Variants in TBX3 observed in about 807,000 individuals in gnomAD.
TBX3 encodes the protein T-box transcription factor 3, also known as T-box transcription factor TBX3.
Under a neutral mutation model 47.8 loss-of-function variants are expected in TBX3, and 11 were observed. The observed-to-expected ratio is 0.23, with a 90% CI of 0.14 to 0.38. The LOEUF is 0.38. Among genes scored for constraint, TBX3 ranks in the 10% least tolerant of loss-of-function variants. TBX3 has a pLI of 1.00. For missense variants in TBX3, 927 were observed against 1,022.8 expected, an observed-to-expected ratio of 0.91 and a Z score of 1.28; for synonymous variants, 500 against 449.3, an observed-to-expected ratio of 1.11 and a Z score of -1.43.
In TBX3 at chr12:114,671,619, C is replaced by T; in HGVS notation, c.*222G>A. The T allele has an allele frequency of 3.2e-6, 2 of 624,444 alleles. No homozygotes were observed. The highest frequency in any genetic ancestry group is 5.6e-6 in the Non-Finnish European group (2 of 358,436). The allele number at this position is 624,444 out of a possible 1,614,324, so 38.7% of individuals were successfully genotyped here. ...CAGTAGCTCAATGCAACCGACGTTT[C>T]TGAGCCCCCAGAATCTGATCCAGAT... On this transcript the variant is annotated 3_prime_UTR_variant, in exon 7 of 7. Coordinates refer to ENST00000349155, the MANE Select transcript of TBX3 (RefSeq NM_005996.4).
At chr12:114,677,063 T>G (rs183732799) in intron 4 of TBX3, among the ~76,000 whole-genome samples, 1 of 152,226 alleles carries the variant, frequency 6.6e-6, no homozygotes, top group African/African-American at 2.4e-5. Flanking sequence ...ATTTTCTGGA[T>G]TTTAGAAATT....
chr12:114,678,020 T>A (rs910715855), intron 3 of TBX3, among the ~76,000 whole-genome samples: 4 of 144,164 alleles, frequency 2.8e-5, no homozygotes, highest in Admixed American at 6.9e-5. Context: ...CATACTCCCT[T>A]CACACACACA....
chr12:114,679,602 C>T lies in TBX3; in HGVS notation c.707G>A (p.Arg236Lys), dbSNP rs1372907987. The stretch of plus-strand genomic sequence containing the variant: ...AGGGAGTTTCAAGATGTCATTGGCT[C>T]TTACAATGTGGAACCGGGGCTGGTA... ...HKYQPRFHIV[R>K]ANDILKLPYS... is the part of the protein sequence containing the mutation. The change falls in exon 3 of 7, where the codon AGA becomes AAA. Residue 236 changes from arginine (R) to lysine (K), a missense_variant. By Grantham distance (26) the Arg-to-Lys change is conservative (BLOSUM62 2). Around this residue, in one of 5 missense-constraint regions of TBX3, gnomAD observed 38 missense variants for 77.7 expected, o/e 0.49. Transcript: ENST00000349155. The T allele has an allele frequency of 6.2e-7, 1 of 1,614,146 alleles. No homozygotes were observed. The highest frequency in any genetic ancestry group is 1.7e-5 in the Admixed American group (1 of 60,016).
At chr12:114,679,720 C>A (rs1277208649) in intron 2 of TBX3, 69 bp from the exon 3 acceptor site, 11 of 1,607,848 alleles carry the variant, frequency 6.8e-6, no homozygotes, top group African/African-American at 4.0e-5. Flanking sequence ...ATCTTAGGAC[C>A]CCTGCCAGGC....
chr12:114,674,427 A>T lies in TBX3; in HGVS notation c.1448T>A (p.Phe483Tyr). 1 of 1,549,256 alleles carries T rather than the reference A, an allele frequency of 6.5e-7. No homozygotes were observed. The highest frequency in any genetic ancestry group is 8.7e-7 in the Non-Finnish European group (1 of 1,146,706). The part of the protein sequence containing the change: ...LAQGPLPGLG[F>Y]APGLAGQQFF... ...CTGTTGGCCCGCCAGGCCCGGGGCGAAGCCGAGGCCAGGCAGGGGGCCCTG... is the reference window on the plus strand; with the variant it reads ...CTGTTGGCCCGCCAGGCCCGGGGCGTAGCCGAGGCCAGGCAGGGGGCCCTG... The change falls in exon 6 of 7, where the codon TTC (phenylalanine) becomes TAC (tyrosine). Residue 483 changes from phenylalanine (F) to tyrosine (Y), a missense_variant. This residue lies in a region of TBX3 where 623 missense variants were observed against 569.0 expected (regional missense o/e 1.09). Transcript: ENST00000349155.
Position 114,671,737 on chromosome 12 carries a change from A to G in TBX3, c.*104T>C. ...GGCCCCTTCCCAGACGCAACTGCAAAAGGAAGGGCTAACGCCATGGCGGGC... is the reference window on the plus strand; with the variant it reads ...GGCCCCTTCCCAGACGCAACTGCAAGAGGAAGGGCTAACGCCATGGCGGGC... On this transcript the variant is annotated 3_prime_UTR_variant, in exon 7 of 7. Coordinates refer to ENST00000349155, the MANE Select transcript of TBX3 (RefSeq NM_005996.4). 1 of 1,459,720 alleles carries G rather than the reference A, an allele frequency of 6.9e-7. No individual in the cohort carries two copies. Among genetic ancestry groups the G allele is most frequent in the Admixed American group, 2.0e-5 (1 of 50,824 alleles). The allele number at this position is 1,459,720 out of a possible 1,614,324, so 90.4% of individuals were successfully genotyped here.
At chr12:114,676,741 G>C (rs1868728090) in intron 4 of TBX3, among the ~76,000 whole-genome samples, 1 of 152,200 alleles carries the variant, frequency 6.6e-6, no homozygotes, top group Non-Finnish European at 1.5e-5. Flanking sequence ...GGTTTCATTA[G>C]GAAAAGGCAT....
chr12:114,675,653 TGTGTGTGTGTG>T (rs1868679051), intron 5 of TBX3, among the ~76,000 whole-genome samples: 1 of 147,372 alleles, frequency 6.8e-6, no homozygotes, highest in Non-Finnish European at 1.5e-5. Context: ...TGTGTGTGTG[TGTGTGTGTGTG>T]TGTGTGTGTG....
chr12:114,671,292 C>T lies in TBX3; in HGVS notation c.*549G>A, dbSNP rs1868410295. 2 of 238,152 alleles carry T rather than the reference C, an allele frequency of 8.4e-6. No homozygotes were observed. Among genetic ancestry groups the T allele is most frequent in the East Asian group, 6.0e-5 (1 of 16,562 alleles). 14.8% of individuals were successfully genotyped at this position (238,152 alleles called of 1,614,324 possible). On this transcript the variant is annotated 3_prime_UTR_variant, in exon 7 of 7. Transcript: ENST00000349155. ...ACAGATTTTCTTAATATAGACTAAACAAGGATGGTAGGGACTTCCCTCCCC... is the reference window on the plus strand; with the variant it reads ...ACAGATTTTCTTAATATAGACTAAATAAGGATGGTAGGGACTTCCCTCCCC...
rs1868431618 is a variant in TBX3, at chr12:114,671,670, A to C, written c.*171T>G. On this transcript the variant is annotated 3_prime_UTR_variant, in exon 7 of 7. Transcript: ENST00000349155. Reference sequence around the variant, plus strand: ...CCCGGACATATAAACCACGCCAAGAAGACAGGGGCTGTCTCTAGCACATTC... The same window carrying C: ...CCCGGACATATAAACCACGCCAAGACGACAGGGGCTGTCTCTAGCACATTC... The C allele has an allele frequency of 6.2e-5, 49 of 792,502 alleles. No individual in the cohort carries two copies. In the South Asian group the frequency reaches 7.8e-4, roughly 13 times the overall value. The allele number at this position is 792,502 out of a possible 1,614,324, so 49.1% of individuals were successfully genotyped here.
At chr12:114,674,013 C>A (rs1186787512) in intron 6 of TBX3, 152 bp downstream of exon 6, 84 of 1,090,188 alleles carry the variant, frequency 7.7e-5, no homozygotes, top group Non-Finnish European at 1.1e-4. Context: ...GTCATAATAA[C>A]TCCATGAGCT....
chr12:114,671,874 G>A lies in TBX3; in HGVS notation c.2139C>T (p.Ala713=). 6.4e-7 allele frequency: 1 copy of A among 1,561,988 alleles called. No homozygotes were observed. The highest frequency in any genetic ancestry group is 8.7e-7 in the Non-Finnish European group (1 of 1,154,058). Residue 713 remains alanine (A), a synonymous_variant, in exon 7 of 7, where the codon GCC becomes GCT. Coordinates refer to ENST00000349155, the MANE Select transcript of TBX3 (RefSeq NM_005996.4). ...ACGCGCTGCGGGACCTGTCCGGCTT[G>A]GCTTCCAAGCCGCTAACCAACCGCT... is the stretch of plus-strand genomic sequence containing the variant. ...SIQRLVSGLE[A]KPDRSRSASP
rs1480230095 is a variant in TBX3, at chr12:114,674,551, T to A, written c.1324A>T (p.Thr442Ser). Reference protein sequence around the residue: ...EERRSPVREGTAPAKVEEARA... With the variant: ...EERRSPVREGSAPAKVEEARA... ...GCCTCTTCCACCTTGGCCGGCGCTG[T>A]GCCCTCGCGAACCGGGCTCCTGCGC... is the stretch of plus-strand genomic sequence containing the variant. The change falls in exon 6 of 7, where the codon ACA (threonine) becomes TCA (serine). Residue 442 changes from threonine to serine, a missense_variant. Around this residue, in one of 5 missense-constraint regions of TBX3, gnomAD observed 623 missense variants for 569.0 expected, o/e 1.09. Coordinates refer to ENST00000349155, the MANE Select transcript of TBX3 (RefSeq NM_005996.4). 6.4e-7 allele frequency: 1 copy of A among 1,554,998 alleles called. No individual in the cohort carries two copies. Among genetic ancestry groups the A allele is most frequent in the Admixed American group, 1.9e-5 (1 of 52,672 alleles).
rs1485424076 is a variant in TBX3, at chr12:114,683,174, G to C, written c.27C>G (p.Val9=). Residue 9 remains valine (V), a synonymous_variant, in exon 1 of 7, where the codon GTC becomes GTG. Coordinates refer to ENST00000349155, the MANE Select transcript of TBX3 (RefSeq NM_005996.4). The surrounding 1 kb of genome is among the most constrained non-coding windows in gnomAD (Gnocchi z 7.7). MSLSMRDP[V]IPGTSMAYHP... ...GGTAGGCCATGCTTGTCCCAGGAAT[G>C]ACCGGATCTCTCATGGAGAGGCTCA... The C allele has an allele frequency of 6.2e-7, 1 of 1,612,022 alleles. No homozygotes were observed. Among genetic ancestry groups the C allele is most frequent in the South Asian group, 1.1e-5 (1 of 91,024 alleles).
At position 114,682,794 on chromosome 12, in the gene TBX3, G is replaced by A; in HGVS notation, c.389+18C>T. ...AAAACTCTCCAACAGCTTAGGGGAG[G>A]AGGCCCCCACTGCTTACCTTCCCGA... is the stretch of plus-strand genomic sequence containing the variant. On this transcript the variant is annotated intron_variant, in intron 1 of 6. Coordinates refer to ENST00000349155, the MANE Select transcript of TBX3 (RefSeq NM_005996.4). 2 of 1,614,074 alleles carry A rather than the reference G, an allele frequency of 1.2e-6. No homozygotes were observed. Among genetic ancestry groups the A allele is most frequent in the East Asian group, 2.2e-5 (1 of 44,882 alleles).
At chr12:114,673,972 A>G (rs975152700) in intron 6 of TBX3, among the ~76,000 whole-genome samples, 193 bp downstream of exon 6, 1 of 152,216 alleles carries the variant, frequency 6.6e-6, no homozygotes, top group Non-Finnish European at 1.5e-5. Context: ...GAAAAATTTT[A>G]AAGATTTTTG....
rs1869062561 is a variant in TBX3, at chr12:114,683,782, C to T, written c.-582G>A. The T allele has an allele frequency of 4.9e-6, 1 of 202,358 alleles. No individual in the cohort carries two copies. Among genetic ancestry groups the T allele is most frequent in the African/African-American group, 2.8e-5 (1 of 35,126 alleles). 12.5% of individuals were successfully genotyped at this position (202,358 alleles called of 1,614,324 possible). A position where few individuals can be genotyped will look rare whatever the true frequency, so the allele number is the denominator to read the frequency against. On this transcript the variant is annotated 5_prime_UTR_variant, in exon 1 of 7. Transcript: ENST00000349155. The surrounding 1 kb of genome is among the most constrained non-coding windows in gnomAD (Gnocchi z 7.7). The stretch of plus-strand genomic sequence containing the variant: ...GGGAGCGAGAGAGCGGAAAAAGTCT[C>T]TCTCCTTTAAAAAAAAAAAAATCTG...
intron 2 of TBX3, chr12:114,680,016 T>C (rs774462838): frequency 3.1e-6 from 5 of 1,604,890 alleles, no homozygotes; most frequent in Non-Finnish European, 4.3e-6. Context: ...TACAAAATGA[T>C]TCAGTACTTT....
chr12:114,681,194 A>C, intron 1 of TBX3, 48 bp from the exon 2 acceptor site: 1 of 1,607,102 alleles, frequency 6.2e-7, no homozygotes. Flanking sequence ...AACCACCCGT[A>C]ATCTTGGGTT....
Sources: allele counts gnomAD v4.1 joint callset (sites outside exome capture counted in the v4.1 genomes callset), GRCh38; gene constraint gnomAD v4.1.1; regional missense constraint gnomAD v4.1.1; non-coding constraint Gnocchi (gnomAD v3.1); transcripts MANE v1.5; gene names NCBI Gene and HGNC (gene_info 2026-07-23, HGNC 2026-07-21).